Variants in AVEN observed in about 807,000 individuals in gnomAD.
AVEN encodes cell death regulator Aven.
A neutral mutation model predicts 38.1 loss-of-function variants in AVEN; 41 were observed. That is an observed-to-expected ratio of 1.08 (90% confidence interval 0.84 to 1.40). The LOEUF (loss-of-function observed/expected upper bound fraction) is 1.40. Ranked by LOEUF, AVEN falls within the 40% of genes most tolerant of loss-of-function variation. The probability of loss-of-function intolerance (pLI) is 0.00; values close to 1 mark genes in which losing one functional copy is unlikely to be tolerated. For missense variants in AVEN, 605 were observed against 438.8 expected (o/e 1.38, Z -3.38); for synonymous variants, 206 against 171.8 (o/e 1.20, Z -1.56).
rs532446030 is a variant in AVEN, at chr15:33,897,913, G to A, written c.446-21918C>T. ...AAGCAAAAAATAGCTGAATGGGCCG[G>A]GCGTGGTAGCTCACGCCTGTAATCC... is the stretch of plus-strand genomic sequence containing the variant. On this transcript the variant is annotated intron_variant, in intron 2 of 5. Coordinates refer to ENST00000306730, the MANE Select transcript of AVEN (RefSeq NM_020371.3). Among the ~76,000 whole-genome samples the A allele has an allele frequency of 2.6e-5, 4 of 151,908 alleles. No individual in the cohort carries two copies. In the East Asian group the frequency reaches 7.8e-4, roughly 30 times the overall value.
chr15:34,069,505 T>G (rs1406683424), intron 2 of AVEN, among the ~76,000 whole-genome samples: 1 of 152,218 alleles, frequency 6.6e-6, no homozygotes, highest in African/African-American at 2.4e-5. Flanking sequence ...TGATATTTCC[T>G]TATTAGATTC....
intron 5 of AVEN, among the ~76,000 whole-genome samples, chr15:33,866,989 G>C (rs761090532): frequency 6.6e-6 from 1 of 151,740 alleles, no homozygotes; most frequent in African/African-American, 2.4e-5. Context: ...TATTATTGCA[G>C]CAGTCCTGGA....
intron 2 of AVEN, among the ~76,000 whole-genome samples, chr15:33,877,661 A>C (rs913103608): frequency 6.6e-6 from 1 of 152,184 alleles, no homozygotes; most frequent in Admixed American, 6.5e-5. Context: ...CTAGAAATAC[A>C]AAAGTTAGAC....
intron 2 of AVEN, among the ~76,000 whole-genome samples, chr15:33,894,129 T>C (rs1362668388): frequency 1.3e-5 from 2 of 151,982 alleles, no homozygotes; most frequent in East Asian, 3.9e-4. Flanking sequence ...TTTGTATTTT[T>C]AGTAGAGATG....
chr15:33,853,166 C>A, the AVEN span: 1 of 1,209,314 alleles, frequency 8.3e-7, no homozygotes, highest in Non-Finnish European at 1.1e-6. Context: ...CACATACAAA[C>A]ATGAGTAAAT....
chr15:33,863,326 C>T (rs1889191197), downstream of AVEN, among the ~76,000 whole-genome samples: 1 of 152,200 alleles, frequency 6.6e-6, no homozygotes. Flanking sequence ...AGCGGAAAGG[C>T]AGTGAACATA....
At chr15:33,861,325 C>G, downstream of AVEN, 1 of 575,900 alleles carries the variant, frequency 1.7e-6, no homozygotes. Context: ...TCCATAGACT[C>G]TGTCTCTCCC....
At chr15:33,889,595 CA>C (rs5811801) in intron 2 of AVEN, among the ~76,000 whole-genome samples, 150,452 of 152,126 alleles carry the variant, frequency 0.99, 74,409 homozygotes, top group Middle Eastern at 1. Flanking sequence ...TGTTTCTGCA[CA>C]AAAAAAAATA....
intron 2 of AVEN, among the ~76,000 whole-genome samples, chr15:33,972,900 T>A (rs504714): frequency 0.85 from 129,549 of 152,144 alleles, 57,949 homozygotes; most frequent in Non-Finnish European, 0.98. Flanking sequence ...TACAGTTAAC[T>A]ACTCCACGCA....
At chr15:33,878,188 A>C (rs2153036954) in intron 2 of AVEN, among the ~76,000 whole-genome samples, 1 of 152,318 alleles carries the variant, frequency 6.6e-6, no homozygotes, top group South Asian at 2.1e-4. Context: ...ATTTGTCCAA[A>C]TTACTCAAAT....
At chr15:33,872,040 T>A (rs770681407) in intron 3 of AVEN, among the ~76,000 whole-genome samples, 15 of 152,212 alleles carry the variant, frequency 9.9e-5, no homozygotes, top group Admixed American at 2.6e-4. Context: ...TGGCAGCCAC[T>A]TGGCAGTTGA....
chr15:33,869,182 T>C (rs145842701), intron 4 of AVEN, among the ~76,000 whole-genome samples: 48 of 152,290 alleles, frequency 3.2e-4, no homozygotes, highest in African/African-American at 1.1e-3. Context: ...CTTAGAGTCA[T>C]TTAATTGTTC....
At chr15:34,019,744 AAT>A (rs1418871218) in intron 1 of AVEN, among the ~76,000 whole-genome samples, 2 of 152,240 alleles carry the variant, frequency 1.3e-5, no homozygotes, top group African/African-American at 2.4e-5. Flanking sequence ...GCCCAGGAGC[AAT>A]ATGTTATACC....
At chr15:33,937,178 A>T (rs1265265187) in intron 2 of AVEN, among the ~76,000 whole-genome samples, 1 of 150,758 alleles carries the variant, frequency 6.6e-6, no homozygotes, top group Non-Finnish European at 1.5e-5. Context: ...TATCATTGTA[A>T]ATCAGTGGGA....
At chr15:34,014,224 C>T (rs1301364581) in intron 1 of AVEN, among the ~76,000 whole-genome samples, 3 of 151,796 alleles carry the variant, frequency 2.0e-5, no homozygotes, top group Non-Finnish European at 2.9e-5. Context: ...ATTAGCCAGG[C>T]GTGGTGGCAC....
At chr15:33,873,126 G>C (rs1398310955) in intron 3 of AVEN, among the ~76,000 whole-genome samples, 1 of 120,668 alleles carries the variant, frequency 8.3e-6, no homozygotes, top group Non-Finnish European at 1.6e-5. Flanking sequence ...TTTTGAGATG[G>C]AGTCTCTCTG....
chr15:33,942,320 G>GT (rs1259052450), intron 2 of AVEN, among the ~76,000 whole-genome samples: 1 of 152,090 alleles, frequency 6.6e-6, no homozygotes, highest in Non-Finnish European at 1.5e-5. Context: ...CATTCAAAAT[G>GT]TATCACTTTC....
intron 2 of AVEN, among the ~76,000 whole-genome samples, chr15:33,982,468 C>T (rs2140529457): frequency 6.6e-6 from 1 of 152,314 alleles, no homozygotes; most frequent in Middle Eastern, 3.4e-3. Context: ...AAAATATTTT[C>T]TGGAGCAAAG....
intron 2 of AVEN, among the ~76,000 whole-genome samples, chr15:33,980,871 G>GA (rs1386792306): frequency 6.6e-6 from 1 of 152,076 alleles, no homozygotes; most frequent in Non-Finnish European, 1.5e-5. Flanking sequence ...AAATATAATG[G>GA]AAAAAATACA....
Sources: gnomAD v4.1 joint callset for allele counts (sites outside exome capture counted in the v4.1 genomes callset) on GRCh38, gnomAD v4.1.1 for gene constraint, MANE v1.5 for transcripts, NCBI Gene and HGNC (gene_info 2026-07-23, HGNC 2026-07-21) for gene names.